TAFA5: variants seen among roughly 807,000 people sequenced by gnomAD.
The protein encoded by TAFA5 is TAFA chemokine like family member 5.
A neutral mutation model predicts 15.3 loss-of-function variants in TAFA5; 6 were observed. That is an observed-to-expected ratio of 0.39 (90% CI 0.21 to 0.77). The LOEUF is 0.77. Ranked by LOEUF, TAFA5 falls within the 30% of genes least tolerant of loss-of-function variation. The pLI is 0.41. For synonymous variants in TAFA5, 103 were observed against 80.7 expected (o/e 1.28, Z -1.48); for missense variants, 161 against 193.1 (o/e 0.83, Z 0.98).
At chr22:48,568,518 G>A (rs1280715748) in intron 1 of TAFA5, among the ~76,000 whole-genome samples, 1 of 152,256 alleles carries the variant, frequency 6.6e-6, no homozygotes, top group Non-Finnish European at 1.5e-5. Flanking sequence ...CCACAACAGT[G>A]TGTCCCAGAG....
intron 1 of TAFA5, among the ~76,000 whole-genome samples, chr22:48,503,129 T>C (rs1410480813): frequency 6.6e-6 from 1 of 152,178 alleles, no homozygotes; most frequent in East Asian, 1.9e-4. Flanking sequence ...GGGTGGCTCC[T>C]CTGAGCTGCC....
At chr22:48,626,805 A>G (rs1294229088) in intron 1 of TAFA5, among the ~76,000 whole-genome samples, 1 of 152,194 alleles carries the variant, frequency 6.6e-6, no homozygotes, top group Non-Finnish European at 1.5e-5. Context: ...TATTTCTACA[A>G]GTTTCATATT....
intron 1 of TAFA5, among the ~76,000 whole-genome samples, chr22:48,523,191 T>C (rs1330573442): frequency 6.6e-6 from 1 of 152,242 alleles, no homozygotes; most frequent in Non-Finnish European, 1.5e-5. Context: ...GCACGGAGCC[T>C]CTGCTGGAGG....
chr22:48,647,873 C>A (rs978514522), intron 2 of TAFA5, among the ~76,000 whole-genome samples: 1 of 152,130 alleles, frequency 6.6e-6, no homozygotes, highest in Non-Finnish European at 1.5e-5. Flanking sequence ...GCGGAGTCCC[C>A]TATGTGGGGT....
chr22:48,696,033 C>T (rs1366472179), intron 2 of TAFA5, among the ~76,000 whole-genome samples: 1 of 152,188 alleles, frequency 6.6e-6, no homozygotes, highest in Non-Finnish European at 1.5e-5. Context: ...CACTCAGACC[C>T]TCAACCCCAC....
At chr22:48,616,214 G>A (rs112010661) in intron 1 of TAFA5, among the ~76,000 whole-genome samples, 3 of 152,278 alleles carry the variant, frequency 2.0e-5, no homozygotes, top group African/African-American at 7.2e-5. Flanking sequence ...GTCAGGCAGA[G>A]CTGGGGACAG....
chr22:48,588,009 G>C (rs911601228), intron 1 of TAFA5, among the ~76,000 whole-genome samples: 2 of 152,212 alleles, frequency 1.3e-5, no homozygotes, highest in Non-Finnish European at 2.9e-5. Flanking sequence ...AAGCAGGCAG[G>C]CCCGGGTTAT....
At chr22:48,673,455 G>C (rs555436642) in intron 2 of TAFA5, among the ~76,000 whole-genome samples, 1 of 152,158 alleles carries the variant, frequency 6.6e-6, no homozygotes, top group African/African-American at 2.4e-5. Flanking sequence ...AGCCTGGGAG[G>C]GTGGCTGGGA....
intron 2 of TAFA5, among the ~76,000 whole-genome samples, chr22:48,703,555 C>T (rs1569086606): frequency 6.6e-6 from 1 of 152,246 alleles, no homozygotes; most frequent in Non-Finnish European, 1.5e-5. Flanking sequence ...CCTAGCCTGA[C>T]CGAGAGGGCC....
At chr22:48,587,873 C>T (rs1204252731) in intron 1 of TAFA5, among the ~76,000 whole-genome samples, 1 of 152,266 alleles carries the variant, frequency 6.6e-6, no homozygotes, top group African/African-American at 2.4e-5. Flanking sequence ...GGCCTTCTGC[C>T]TGCCCTCAGG....
intron 1 of TAFA5, among the ~76,000 whole-genome samples, chr22:48,509,813 C>T (rs377720690): frequency 6.6e-6 from 1 of 151,822 alleles, no homozygotes; most frequent in South Asian, 2.1e-4. Flanking sequence ...TAGCCGGGCA[C>T]AGTGGCGGGC....
intron 1 of TAFA5, among the ~76,000 whole-genome samples, chr22:48,515,992 C>T (rs1381139023): frequency 3.3e-5 from 5 of 152,054 alleles, no homozygotes; most frequent in Non-Finnish European, 5.9e-5. Context: ...ACCCTCCCCA[C>T]CCCAGCCTCA....
chr22:48,544,797 C>T (rs1482326858), intron 1 of TAFA5: 10 of 471,118 alleles, frequency 2.1e-5, no homozygotes, highest in South Asian at 7.7e-5. Context: ...ACGATCTAGG[C>T]GAGGCCTGCA....
intron 2 of TAFA5, among the ~76,000 whole-genome samples, chr22:48,696,818 C>T (rs1355707188): frequency 6.6e-6 from 1 of 152,244 alleles, no homozygotes; most frequent in African/African-American, 2.4e-5. Flanking sequence ...GTTGTGTGTG[C>T]AAGGCCTGGC....
chr22:48,526,849 G>C (rs1921798290), intron 1 of TAFA5, among the ~76,000 whole-genome samples: 1 of 152,166 alleles, frequency 6.6e-6, no homozygotes, highest in Non-Finnish European at 1.5e-5. Flanking sequence ...TGGTTCTTTT[G>C]TTTTGCTTTG....
intron 1 of TAFA5, among the ~76,000 whole-genome samples, chr22:48,583,009 A>G (rs1380993606): frequency 1.4e-5 from 2 of 139,152 alleles, no homozygotes; most frequent in Non-Finnish European, 3.1e-5. Context: ...CCACACACAA[A>G]ATACACCACA....
At chr22:48,673,994 T>G (rs116167802) in intron 2 of TAFA5, among the ~76,000 whole-genome samples, 1 of 151,806 alleles carries the variant, frequency 6.6e-6, no homozygotes, top group South Asian at 2.1e-4. Context: ...CCACCTCACA[T>G]CTGGACTTTT....
At chr22:48,502,409 G>GGTGAGC (rs746569418) in intron 1 of TAFA5, among the ~76,000 whole-genome samples, 1,698 of 111,526 alleles carry the variant, frequency 0.015, 15 homozygotes, top group Admixed American at 0.033. Flanking sequence ...TTCTGGGGGA[G>GGTGAGC]CTGGGAGTAC....
intron 1 of TAFA5, among the ~76,000 whole-genome samples, chr22:48,536,029 C>T (rs1047549939): frequency 6.6e-6 from 1 of 152,192 alleles, no homozygotes; most frequent in Non-Finnish European, 1.5e-5. Context: ...CCCAGGAGTG[C>T]CCGTGTTGTC....
Sources: gnomAD v4.1 joint callset for allele counts (sites outside exome capture counted in the v4.1 genomes callset) on GRCh38, gnomAD v4.1.1 for gene constraint, MANE v1.5 for transcripts, NCBI Gene and HGNC (gene_info 2026-07-23, HGNC 2026-07-21) for gene names.